Variants in GNB1 observed in about 807,000 individuals in gnomAD.
The protein encoded by GNB1 is guanine nucleotide-binding protein G(I)/G(S)/G(T) subunit beta-1.
GNB1 carries 2 observed loss-of-function variants against 42.9 expected under a neutral mutation model. That is an observed-to-expected ratio of 0.05 (90% CI 0.02 to 0.15). The LOEUF (loss-of-function observed/expected upper bound fraction) is 0.15, where lower values mean the gene tolerates loss of function less well. Ranked by LOEUF, GNB1 falls within the 10% of genes least tolerant of loss-of-function variation. The probability of loss-of-function intolerance (pLI) is 1.00; values close to 1 mark genes in which losing one functional copy is unlikely to be tolerated. For missense variants in GNB1, 193 were observed against 462.2 expected (o/e 0.42, Z 5.34); for synonymous variants, 183 against 174.7 (o/e 1.05, Z -0.38).
At chr1:1,841,049 T>A (rs6603800) in intron 1 of GNB1, among the ~76,000 whole-genome samples, 2 of 151,946 alleles carry the variant, frequency 1.3e-5, no homozygotes, top group East Asian at 1.9e-4. Context: ...ATGCCACCAC[T>A]CCCAGCCAAT....
At chr1:1,858,757 G>A (rs1171550748) in intron 1 of GNB1, among the ~76,000 whole-genome samples, 2 of 152,294 alleles carry the variant, frequency 1.3e-5, no homozygotes, top group East Asian at 1.9e-4. Flanking sequence ...GACACCAAGG[G>A]AGCCACAGCT....
At chr1:1,862,944 CAT>C (rs1648713628) in intron 1 of GNB1, among the ~76,000 whole-genome samples, 1 of 152,140 alleles carries the variant, frequency 6.6e-6, no homozygotes, top group Non-Finnish European at 1.5e-5. Context: ...AAATAACTGC[CAT>C]ACACACACAA....
At chr1:1,874,472 C>A (rs374070484) in intron 1 of GNB1, among the ~76,000 whole-genome samples, 2 of 151,436 alleles carry the variant, frequency 1.3e-5, no homozygotes, top group Admixed American at 6.6e-5. Flanking sequence ...CCGGGCGTGG[C>A]GGTGTGCACC....
chr1:1,858,891 G>T (rs1269192254), intron 1 of GNB1, among the ~76,000 whole-genome samples: 5 of 152,142 alleles, frequency 3.3e-5, no homozygotes, highest in Non-Finnish European at 2.9e-5. Context: ...AAATCAACAT[G>T]GAACAGGAAA....
In GNB1 at chr1:1,806,478, G is replaced by A. The variant is rs766838810; in HGVS notation, c.264C>T (p.Asn88=). Residue 88 remains asparagine (N), a synonymous_variant, in exon 6 of 12, where the codon AAC becomes AAT. Coordinates refer to ENST00000378609, the MANE Select transcript of GNB1 (RefSeq NM_002074.5). ...KLIIWDSYTT[N]KVHAIPLRSS... is the part of the protein sequence containing the mutation. ...AAGGGAATCCTCCAGTCCCTACCTTGTTGGTGGTGTAGCTGTCCCAGATGA... is the reference window on the plus strand; with the variant it reads ...AAGGGAATCCTCCAGTCCCTACCTTATTGGTGGTGTAGCTGTCCCAGATGA... The A allele has an allele frequency of 6.3e-6, 10 of 1,596,028 alleles. No individual in the cohort carries two copies. The highest frequency in any genetic ancestry group is 8.6e-6 in the Non-Finnish European group (10 of 1,163,772).
chr1:1,821,286 T>A (rs1042924506), intron 3 of GNB1, among the ~76,000 whole-genome samples: 1 of 152,240 alleles, frequency 6.6e-6, no homozygotes, highest in Non-Finnish European at 1.5e-5. Flanking sequence ...CTGTGCATCC[T>A]GTGGAGCTTT....
chr1:1,840,045 A>T (rs1647204994), intron 1 of GNB1, among the ~76,000 whole-genome samples: 1 of 149,838 alleles, frequency 6.7e-6, no homozygotes, highest in African/African-American at 2.4e-5. Flanking sequence ...CAGCGAACTA[A>T]AAAAAAAAAC....
At position 1,817,872 on chromosome 1, in the gene GNB1, C is replaced by T. The variant is rs780752397; in HGVS notation, c.61G>A (p.Ala21Thr). The change falls in exon 4 of 12, where the codon GCC (alanine) becomes ACC (threonine). Residue 21 changes from alanine (A) to threonine (T), a missense_variant. Ala to Thr is a moderately conservative substitution (Grantham distance 58). Transcript: ENST00000378609. ...AEQLKNQIRD[A>T]RKACADATLS... ...GTTGCATCTGCACATGCTTTCCTGG[C>T]GTCCTGGGAAGCAAGGACAGTGAGA... is the stretch of plus-strand genomic sequence containing the variant. 2.5e-6 allele frequency: 4 copies of T among 1,610,268 alleles called. No homozygotes were observed. The highest frequency in any genetic ancestry group is 1.3e-5 in the African/African-American group (1 of 74,844).
Position 1,852,418 on chromosome 1 carries a change from G to A in GNB1, c.-95-13180C>T, listed in dbSNP as rs549730500. On this transcript the variant is annotated intron_variant, in intron 1 of 11. Transcript: ENST00000378609. ...TAATTTTTTTTGTATTTTTAGTAGA[G>A]ACGGTGTTTCACGATGTTAGCCAGG... 5.3e-5 allele frequency among the ~76,000 whole-genome samples: 8 copies of A among 152,158 alleles called. No homozygotes were observed. In the South Asian group the frequency reaches 1.7e-3, roughly 32 times the overall value.
chr1:1,812,698 C>A lies in GNB1; in HGVS notation c.203+3058G>T, dbSNP rs77972617. ...TGCTCACAGGGTGGCCATGATTCTG[C>A]ACTTGGTCCTGTTTTGTCAGCCCTT... On this transcript the variant is annotated intron_variant, in intron 5 of 11. Transcript: ENST00000378609. Among the ~76,000 whole-genome samples the A allele has an allele frequency of 8.4e-3, 1,281 of 152,318 alleles. 22 individuals carry two copies. The highest frequency in any genetic ancestry group is 0.03 in the African/African-American group (1,229 of 41,566).
At chr1:1,828,048 C>T (rs1244441217) in intron 2 of GNB1, among the ~76,000 whole-genome samples, 1 of 152,100 alleles carries the variant, frequency 6.6e-6, no homozygotes, top group Non-Finnish European at 1.5e-5. Context: ...CGGCTGGGGG[C>T]GGTGGCTGAC....
chr1:1,807,883 G>C (rs1044496067), intron 5 of GNB1, among the ~76,000 whole-genome samples: 3 of 151,910 alleles, frequency 2.0e-5, no homozygotes, highest in African/African-American at 7.3e-5. Flanking sequence ...AATTCTTTTT[G>C]TATTTTTAGC....
At chr1:1,826,762 G>A (rs985060787) in intron 2 of GNB1, among the ~76,000 whole-genome samples, 6 of 152,138 alleles carry the variant, frequency 3.9e-5, no homozygotes, top group East Asian at 3.8e-4. Flanking sequence ...CCCTACTCAC[G>A]TTAGACAATA....
At position 1,817,926 on chromosome 1, in the gene GNB1, C is replaced by A. The variant is rs768960857; in HGVS notation, c.58-51G>T. 5 of 1,370,208 alleles carry A rather than the reference C, an allele frequency of 3.6e-6. No homozygotes were observed. The African/African-American group carries it at 7.1e-5, about 19-fold the overall frequency. 84.9% of individuals were successfully genotyped at this position (1,370,208 alleles called of 1,614,324 possible). On this transcript the variant is annotated intron_variant, in intron 3 of 11. Transcript: ENST00000378609. ...TAGCAACCTTTCAGATACATTCAAT[C>A]TCAGGTCCACACATACCAAAGTTTC...
intron 3 of GNB1, among the ~76,000 whole-genome samples, chr1:1,824,456 T>C (rs1341046559): frequency 1.3e-5 from 2 of 152,174 alleles, no homozygotes; most frequent in Non-Finnish European, 2.9e-5. Flanking sequence ...TAAAAGTTTA[T>C]GAACTCTGCA....
chr1:1,809,426 C>T (rs1646745863), intron 5 of GNB1, among the ~76,000 whole-genome samples: 1 of 152,188 alleles, frequency 6.6e-6, no homozygotes, highest in Non-Finnish European at 1.5e-5. Flanking sequence ...GCTGGGATTA[C>T]AGGCGTAAGC....
chr1:1,840,222 C>T (rs1431024993), intron 1 of GNB1, among the ~76,000 whole-genome samples: 5 of 142,430 alleles, frequency 3.5e-5, no homozygotes, highest in African/African-American at 7.8e-5. Flanking sequence ...AGCAAGACAC[C>T]GTCTCGAAAA....
chr1:1,877,874 T>C (rs1375004072), intron 1 of GNB1, among the ~76,000 whole-genome samples: 1 of 152,080 alleles, frequency 6.6e-6, no homozygotes, highest in Admixed American at 6.6e-5. Context: ...TGTTTGAAGG[T>C]ATAATAGAGT....
intron 1 of GNB1, among the ~76,000 whole-genome samples, chr1:1,877,292 C>CT (rs1362946722): frequency 5.9e-5 from 8 of 136,012 alleles, no homozygotes; most frequent in African/African-American, 2.1e-4. Context: ...AAGTGAGACT[C>CT]TGTCTCAAAA....
Sources: allele counts gnomAD v4.1 joint callset (sites outside exome capture counted in the v4.1 genomes callset), GRCh38; gene constraint gnomAD v4.1.1; transcripts MANE v1.5; gene names NCBI Gene and HGNC (gene_info 2026-07-23, HGNC 2026-07-21).